The following KCNMA1 variants were observed in gnomAD, a reference collection of about 807,000 sequenced individuals.
KCNMA1 encodes potassium calcium-activated channel subfamily M alpha 1.
In KCNMA1, 29 loss-of-function variants were observed where a neutral mutation model predicts 140.0. The ratio of observed to expected loss-of-function variants is 0.21; its 90% CI spans 0.15 to 0.28. The LOEUF (loss-of-function observed/expected upper bound fraction) is 0.28, where lower values mean the gene tolerates loss of function less well. Among genes scored for constraint, KCNMA1 ranks in the 10% least tolerant of loss-of-function variants. The pLI is 1.00. For missense variants in KCNMA1, 880 were observed against 1,602.2 expected (o/e 0.55, Z 7.70); for synonymous variants, 612 against 611.9 (o/e 1.00, Z 0.00).
At chr10:77,521,382 CA>C (rs111456073) in intron 1 of KCNMA1, among the ~76,000 whole-genome samples, 1 of 152,202 alleles carries the variant, frequency 6.6e-6, no homozygotes, top group African/African-American at 2.4e-5. Context: ...CCTCAGTTAC[CA>C]TCCTGGTGCC....
intron 1 of KCNMA1, among the ~76,000 whole-genome samples, chr10:77,497,068 T>A (rs966572922): frequency 6.6e-6 from 1 of 152,208 alleles, no homozygotes; most frequent in African/African-American, 2.4e-5. Context: ...GGTCTGTGCA[T>A]GCATCTCAGA....
intron 1 of KCNMA1, among the ~76,000 whole-genome samples, chr10:77,488,193 T>A (rs2098483862): frequency 6.6e-6 from 1 of 152,160 alleles, no homozygotes; most frequent in Non-Finnish European, 1.5e-5. Flanking sequence ...CCTCAAAGGC[T>A]GTTCTGAGCC....
chr10:77,490,171 T>C (rs1254056285), intron 1 of KCNMA1, among the ~76,000 whole-genome samples: 1 of 152,174 alleles, frequency 6.6e-6, no homozygotes, highest in Non-Finnish European at 1.5e-5. Flanking sequence ...TATATCCTAA[T>C]ATCTAGGGCT....
intron 20 of KCNMA1, among the ~76,000 whole-genome samples, chr10:76,969,235 T>C (rs1592273763): frequency 2.0e-5 from 2 of 98,246 alleles, no homozygotes; most frequent in African/African-American, 7.8e-5. Context: ...AAGAAAGAAG[T>C]GAGGGAGAAA....
At chr10:77,398,038 ATG>A (rs528335110) in intron 2 of KCNMA1, among the ~76,000 whole-genome samples, 200 of 145,562 alleles carry the variant, frequency 1.4e-3, no homozygotes, top group African/African-American at 4.7e-3. Context: ...ATATATATGC[ATG>A]TGTGTGTATA....
intron 25 of KCNMA1, among the ~76,000 whole-genome samples, chr10:76,893,591 T>G (rs6480843): frequency 0.051 from 7,761 of 151,914 alleles, 620 homozygotes; most frequent in African/African-American, 0.17. Context: ...AATAAAAAAA[T>G]TAGCTAGGCA....
chr10:77,470,344 T>C (rs1339145848), intron 1 of KCNMA1, among the ~76,000 whole-genome samples: 1 of 152,082 alleles, frequency 6.6e-6, no homozygotes, highest in East Asian at 1.9e-4. Flanking sequence ...CGGAAACGTG[T>C]CACTAAAGCT....
chr10:76,989,766 A>T (rs1302837187), intron 19 of KCNMA1, among the ~76,000 whole-genome samples: 1 of 151,888 alleles, frequency 6.6e-6, no homozygotes, highest in Non-Finnish European at 1.5e-5. Context: ...CCTGTAGCTG[A>T]TATGACCTCT....
At chr10:77,190,035 A>G (rs2098926604) in intron 3 of KCNMA1, among the ~76,000 whole-genome samples, 1 of 152,094 alleles carries the variant, frequency 6.6e-6, no homozygotes, top group Non-Finnish European at 1.5e-5. Context: ...TATTTCATGA[A>G]TGTGACCCAT....
chr10:77,002,449 G>A (rs1039260592), intron 18 of KCNMA1, among the ~76,000 whole-genome samples: 1 of 152,158 alleles, frequency 6.6e-6, no homozygotes, highest in Non-Finnish European at 1.5e-5. Flanking sequence ...GAAGCAATCA[G>A]GCTATTGGTT....
At chr10:77,611,829 C>T (rs1471239010) in intron 1 of KCNMA1, among the ~76,000 whole-genome samples, 2 of 152,134 alleles carry the variant, frequency 1.3e-5, no homozygotes, top group Admixed American at 6.5e-5. Flanking sequence ...GGGCGAGGTA[C>T]TGTGTGCTCA....
At chr10:77,197,494 C>G (rs1231509676) in intron 3 of KCNMA1, among the ~76,000 whole-genome samples, 1 of 152,156 alleles carries the variant, frequency 6.6e-6, no homozygotes, top group Non-Finnish European at 1.5e-5. Flanking sequence ...TTTCCAATGT[C>G]CTAGTCTTGA....
At chr10:76,897,011 TACACACAC>T (rs3067677) in intron 25 of KCNMA1, among the ~76,000 whole-genome samples, 47 of 142,818 alleles carry the variant, frequency 3.3e-4, no homozygotes, top group African/African-American at 9.1e-4. Context: ...AGGTGAAAAT[TACACACAC>T]ACACACACAC....
chr10:77,439,260 T>A (rs2097342972), intron 1 of KCNMA1, among the ~76,000 whole-genome samples: 1 of 152,184 alleles, frequency 6.6e-6, no homozygotes, highest in Non-Finnish European at 1.5e-5. Flanking sequence ...CCATAAACAT[T>A]AAATTTTACT....
chr10:77,450,097 T>C (rs1471951009), intron 1 of KCNMA1, among the ~76,000 whole-genome samples: 1 of 152,178 alleles, frequency 6.6e-6, no homozygotes, highest in Non-Finnish European at 1.5e-5. Flanking sequence ...ATTTATTTAT[T>C]TGAGACACAG....
At position 77,012,131 on chromosome 10, in the gene KCNMA1, T is replaced by G. The variant is rs547228774; in HGVS notation, c.2016-88A>C. 1.6e-5 allele frequency: 25 copies of G among 1,605,406 alleles called. 1 individual carries two copies. In the African/African-American group the frequency reaches 2.9e-4, roughly 19 times the overall value. ...CATTTCCTCCACGGTGGTGCCAAAT[T>G]AATGAAACACGCCAGCATTAATTTC... On this transcript the variant is annotated intron_variant, in intron 17 of 27. Transcript: ENST00000286628.
intron 23 of KCNMA1, among the ~76,000 whole-genome samples, chr10:76,937,571 AG>A (rs1221842030): frequency 1.3e-5 from 2 of 152,232 alleles, no homozygotes; most frequent in Non-Finnish European, 2.9e-5. Context: ...CACTTTAGGA[AG>A]GCCCTTTTCG....
intron 1 of KCNMA1, among the ~76,000 whole-genome samples, chr10:77,524,555 G>A (rs1242791211): frequency 1.3e-5 from 2 of 152,156 alleles, no homozygotes; most frequent in African/African-American, 4.8e-5. Context: ...AGAAACCGCA[G>A]CCTGAATTTA....
chr10:77,037,204 T>A (rs995810302), intron 15 of KCNMA1, among the ~76,000 whole-genome samples: 2 of 152,126 alleles, frequency 1.3e-5, no homozygotes, highest in Non-Finnish European at 2.9e-5. Context: ...TGGGTCAGGG[T>A]TGGCAAACTC....
Sources: gnomAD v4.1 joint callset for allele counts (sites outside exome capture counted in the v4.1 genomes callset) on GRCh38, gnomAD v4.1.1 for gene constraint, MANE v1.5 for transcripts, NCBI Gene and HGNC (gene_info 2026-07-23, HGNC 2026-07-21) for gene names.